Variants in CDKAL1 observed in about 807,000 individuals in gnomAD.
CDKAL1 encodes the protein threonylcarbamoyladenosine tRNA methylthiotransferase.
CDKAL1 carries 32 observed loss-of-function variants against 68.2 expected under a neutral mutation model. The observed-to-expected ratio is 0.47, with a 90% CI of 0.35 to 0.63. CDKAL1 has a LOEUF of 0.63. CDKAL1 is among the 30% of genes least tolerant of loss of function. CDKAL1 has a pLI of 0.00. For missense variants in CDKAL1, 606 were observed against 696.7 expected, an observed-to-expected ratio of 0.87 and a Z score of 1.47; for synonymous variants, 234 against 244.3, an observed-to-expected ratio of 0.96 and a Z score of 0.39.
At chr6:21,048,250 CT>C (rs1283748567) in intron 11 of CDKAL1, among the ~76,000 whole-genome samples, 2 of 152,152 alleles carry the variant, frequency 1.3e-5, no homozygotes, top group Non-Finnish European at 2.9e-5. Flanking sequence ...TCCAATAAAA[CT>C]TTATTTACAA....
intron 13 of CDKAL1, among the ~76,000 whole-genome samples, chr6:21,193,055 A>G (rs999929137): frequency 5.3e-5 from 8 of 152,014 alleles, no homozygotes; most frequent in Admixed American, 6.6e-5. Flanking sequence ...CTGTCCTCAC[A>G]TGATTCTCCC....
intron 8 of CDKAL1, among the ~76,000 whole-genome samples, chr6:20,790,408 T>A (rs1775849348): frequency 6.6e-6 from 1 of 152,146 alleles, no homozygotes; most frequent in African/African-American, 2.4e-5. Context: ...TGAAAAACCA[T>A]GTCTTACACA....
chr6:20,665,930 C>A (rs571783340), intron 5 of CDKAL1, among the ~76,000 whole-genome samples: 38 of 147,608 alleles, frequency 2.6e-4, no homozygotes, highest in African/African-American at 9.3e-4. Flanking sequence ...CTGACTTCGG[C>A]CTGCTTAATG....
chr6:21,212,614 A>G (rs942978093), intron 15 of CDKAL1, among the ~76,000 whole-genome samples: 3 of 152,194 alleles, frequency 2.0e-5, no homozygotes, highest in African/African-American at 7.2e-5. Flanking sequence ...ATAATAGAAC[A>G]TTATTTTTAA....
At chr6:21,038,310 T>C (rs545171266) in intron 11 of CDKAL1, among the ~76,000 whole-genome samples, 1 of 152,258 alleles carries the variant, frequency 6.6e-6, no homozygotes, top group East Asian at 1.9e-4. Flanking sequence ...CATGGGGATT[T>C]AGGAAGGGAA....
chr6:21,153,745 A>T (rs1317539542), intron 13 of CDKAL1, among the ~76,000 whole-genome samples: 1 of 152,180 alleles, frequency 6.6e-6, no homozygotes, highest in South Asian at 2.1e-4. Context: ...AGAGGGAAGA[A>T]GTGGGGAATA....
At chr6:21,191,113 G>C (rs1778219842) in intron 13 of CDKAL1, among the ~76,000 whole-genome samples, 1 of 152,188 alleles carries the variant, frequency 6.6e-6, no homozygotes, top group Non-Finnish European at 1.5e-5. Context: ...CAAATACCCT[G>C]ATGTCTTTGT....
chr6:20,693,651 T>A (rs1770972820), intron 5 of CDKAL1, among the ~76,000 whole-genome samples: 1 of 152,256 alleles, frequency 6.6e-6, no homozygotes, highest in Non-Finnish European at 1.5e-5. Context: ...CCTTGCTTTC[T>A]CGCCTATGGC....
chr6:21,036,104 T>C (rs1206382090), intron 11 of CDKAL1, among the ~76,000 whole-genome samples: 1 of 152,196 alleles, frequency 6.6e-6, no homozygotes, highest in Non-Finnish European at 1.5e-5. Flanking sequence ...AGAGCATGCT[T>C]AATGCTTTAA....
intron 5 of CDKAL1, among the ~76,000 whole-genome samples, chr6:20,674,941 T>C (rs560332200): frequency 6.6e-6 from 1 of 152,206 alleles, no homozygotes; most frequent in African/African-American, 2.4e-5. Flanking sequence ...TGGGGAGTTT[T>C]GTTGAAAGCA....
At chr6:21,078,438 ATGT>A (rs1562012758) in intron 12 of CDKAL1, among the ~76,000 whole-genome samples, 1 of 152,186 alleles carries the variant, frequency 6.6e-6, no homozygotes, top group Non-Finnish European at 1.5e-5. Flanking sequence ...TATATGTCAG[ATGT>A]TGTTCTGAGC....
At chr6:21,200,214 G>C (rs954217151) in intron 14 of CDKAL1, among the ~76,000 whole-genome samples, 1 of 152,192 alleles carries the variant, frequency 6.6e-6, no homozygotes, top group Non-Finnish European at 1.5e-5. Context: ...GAAGGGAAAC[G>C]TTTGCTTGAA....
intron 13 of CDKAL1, among the ~76,000 whole-genome samples, chr6:21,180,506 A>G (rs184976215): frequency 7.7e-4 from 117 of 152,298 alleles, no homozygotes; most frequent in Non-Finnish European, 1.5e-3. Context: ...TCTGGTCCCA[A>G]TGGTAATTAT....
intron 9 of CDKAL1, among the ~76,000 whole-genome samples, chr6:20,849,385 C>T (rs1195961376): frequency 2.6e-5 from 4 of 151,900 alleles, no homozygotes; most frequent in African/African-American, 7.2e-5. Flanking sequence ...AGATCGAGAC[C>T]ATCCTAACTA....
chr6:21,173,674 G>A (rs969161669), intron 13 of CDKAL1, among the ~76,000 whole-genome samples: 1 of 152,202 alleles, frequency 6.6e-6, no homozygotes, highest in African/African-American at 2.4e-5. Flanking sequence ...TGGTCTACCA[G>A]AGAATGCAGA....
At chr6:20,925,989 T>C (rs896989294) in intron 9 of CDKAL1, among the ~76,000 whole-genome samples, 1 of 152,190 alleles carries the variant, frequency 6.6e-6, no homozygotes, top group African/African-American at 2.4e-5. Flanking sequence ...GGTACATCTT[T>C]CAAGATATTA....
intron 13 of CDKAL1, among the ~76,000 whole-genome samples, chr6:21,135,089 A>T (rs1484562533): frequency 6.6e-6 from 1 of 152,174 alleles, no homozygotes; most frequent in Non-Finnish European, 1.5e-5. Flanking sequence ...GAAGAGTGCT[A>T]ATTTTGCTTG....
chr6:20,910,436 A>G (rs1417183354), intron 9 of CDKAL1, among the ~76,000 whole-genome samples: 1 of 152,202 alleles, frequency 6.6e-6, no homozygotes, highest in Non-Finnish European at 1.5e-5. Flanking sequence ...GGAAATTTAA[A>G]TTTAACTGGG....
chr6:20,538,230 CTTT>C lies in CDKAL1; in HGVS notation c.-6+2847_-6+2849del, dbSNP rs551140905. On this transcript the variant is annotated intron_variant, in intron 2 of 15. Coordinates refer to ENST00000274695, the MANE Select transcript of CDKAL1 (RefSeq NM_017774.3). ...TTAGTGTGGTTGAGCATTCTTTCCT[CTTT>C]TTTTTTTTTTCTTTTCTGGGTATTT... Among the ~76,000 whole-genome samples, 552 of 143,904 alleles carry C rather than the reference CTTT, an allele frequency of 3.8e-3. 6 individuals carry two copies. The highest frequency in any genetic ancestry group is 0.013 in the African/African-American group (532 of 39,504). 94.4% of individuals were successfully genotyped at this position (143,904 alleles called of 152,430 possible).
Sources: gnomAD v4.1 joint callset for allele counts (sites outside exome capture counted in the v4.1 genomes callset) on GRCh38, gnomAD v4.1.1 for gene constraint, MANE v1.5 for transcripts, NCBI Gene and HGNC (gene_info 2026-07-23, HGNC 2026-07-21) for gene names.